Variants in SLC10A2 observed in about 807,000 individuals in gnomAD.
SLC10A2 encodes the protein solute carrier family 10 member 2.
Under a neutral mutation model 27.1 loss-of-function variants are expected in SLC10A2, and 34 were observed. The observed-to-expected ratio is 1.26, with a 90% confidence interval of 0.96 to 1.67. SLC10A2 has a LOEUF of 1.67. Ranked by LOEUF, SLC10A2 falls within the 40% of genes most tolerant of loss-of-function variation. The pLI is 0.00. For synonymous variants in SLC10A2, 205 were observed against 174.0 expected, an observed-to-expected ratio of 1.18 and a Z score of -1.40; for missense variants, 530 against 444.4, an observed-to-expected ratio of 1.19 and a Z score of -1.73.
At chr13:103,052,386 A>C (rs1595439010) in intron 3 of SLC10A2, among the ~76,000 whole-genome samples, 2 of 152,108 alleles carry the variant, frequency 1.3e-5, no homozygotes, top group East Asian at 3.9e-4. Flanking sequence ...CTTTGGAAGG[A>C]TCACTTGAGC....
chr13:103,054,262 A>G (rs552338983), intron 2 of SLC10A2, among the ~76,000 whole-genome samples: 70 of 152,230 alleles, frequency 4.6e-4, no homozygotes, highest in African/African-American at 1.6e-3. Flanking sequence ...CCCTTCTGCC[A>G]TGATTGTACG....
chr13:103,052,218 G>T (rs560574356), intron 3 of SLC10A2, among the ~76,000 whole-genome samples: 2 of 152,292 alleles, frequency 1.3e-5, no homozygotes, highest in East Asian at 3.9e-4. Flanking sequence ...TCACATAACA[G>T]AGATAACAGT....
In SLC10A2 at chr13:103,051,275, G is replaced by C. The variant is rs199533876; in HGVS notation, c.743C>G (p.Ala248Gly). 2 of 1,613,968 alleles carry C rather than the reference G, an allele frequency of 1.2e-6. No homozygotes were observed. Among genetic ancestry groups the C allele is most frequent in the Non-Finnish European group, 1.7e-6 (2 of 1,179,962 alleles). Reference sequence around the variant, plus strand: ...GCCATACCTGTACCAGGGTAGACCAGCAATTCTAGCCAGAAGAAACCCCAG... The same window carrying C: ...GCCATACCTGTACCAGGGTAGACCACCAATTCTAGCCAGAAGAAACCCCAG... ...YSLGFLLARI[A>G]GLPWYRCRTV... Residue 248 changes from alanine to glycine, a missense_variant, in exon 4 of 6, where the codon GCT (alanine) becomes GGT (glycine). Ala to Gly is a moderately conservative substitution (Grantham distance 60). Coordinates refer to ENST00000245312, the MANE Select transcript of SLC10A2 (RefSeq NM_000452.3).
At position 103,052,626 on chromosome 13, in the gene SLC10A2, T is replaced by C. The variant is rs780784030; in HGVS notation, c.579A>G (p.Ile193Met). 2.6e-5 allele frequency: 42 copies of C among 1,602,970 alleles called. No individual in the cohort carries two copies. Among genetic ancestry groups the C allele is most frequent in the Non-Finnish European group, 3.5e-5 (41 of 1,169,948 alleles). Residue 193 changes from isoleucine to methionine, a missense_variant, in exon 3 of 6, where the codon ATA becomes ATG. Transcript: ENST00000245312. ...NHKWPQKAKI[I>M]LKIGSIAGAI... ...TGTGAACTGGGATACTTACTTTAAG[T>C]ATGATCTTTGCTTTTTGGGGCCATT...
rs1420529463 is a variant in SLC10A2 at position 103,061,533 on chromosome 13, T to C, written c.378-3151A>G. 2.0e-5 allele frequency among the ~76,000 whole-genome samples: 3 copies of C among 152,110 alleles called. No homozygotes were observed. The South Asian group carries it at 6.2e-4, about 32-fold the overall frequency. On this transcript the variant is annotated intron_variant, in intron 1 of 5. Coordinates refer to ENST00000245312, the MANE Select transcript of SLC10A2 (RefSeq NM_000452.3). ...TTTTGTTTTAAAATGTGAGAAAATG[T>C]TTAAGAAGGAAGTCTTTTTCTGTCT...
At chr13:103,054,098 G>A (rs763487944) in intron 2 of SLC10A2, among the ~76,000 whole-genome samples, 6 of 132,504 alleles carry the variant, frequency 4.5e-5, no homozygotes, top group Admixed American at 7.3e-5. Context: ...GAGGGGCCTG[G>A]TGGGAGGTGA....
At chr13:103,050,647 A>T (rs1013201484) in intron 4 of SLC10A2, among the ~76,000 whole-genome samples, 9 of 152,200 alleles carry the variant, frequency 5.9e-5, no homozygotes, top group African/African-American at 2.2e-4. Flanking sequence ...ATGGTCCAGA[A>T]GACTTTGAGC....
chr13:103,051,727 G>A (rs279937), intron 3 of SLC10A2, among the ~76,000 whole-genome samples: 134,222 of 152,270 alleles, frequency 0.88, 59,329 homozygotes, highest in African/African-American at 0.93. Context: ...AACCCATTTC[G>A]ATGACAGCCT....
intron 1 of SLC10A2, among the ~76,000 whole-genome samples, chr13:103,063,538 AT>A (rs1876189696): frequency 6.6e-6 from 1 of 152,254 alleles, no homozygotes; most frequent in Non-Finnish European, 1.5e-5. Flanking sequence ...GACTTTAGTT[AT>A]CCAGTTCTTA....
intron 1 of SLC10A2, among the ~76,000 whole-genome samples, chr13:103,060,153 G>T (rs9586054): frequency 0.017 from 2,573 of 152,154 alleles, 74 homozygotes; most frequent in African/African-American, 0.059. Context: ...CTCTTCAAAG[G>T]GATCTGTACA....
chr13:103,049,602 A>G (rs1875714987), intron 4 of SLC10A2, among the ~76,000 whole-genome samples, 156 bp from the exon 5 acceptor site: 1 of 152,176 alleles, frequency 6.6e-6, no homozygotes, highest in Non-Finnish European at 1.5e-5. Context: ...TTTCTATGGA[A>G]TAAGTGTAAT....
chr13:103,049,224 G>A (rs1875696822), intron 5 of SLC10A2, 65 bp downstream of exon 5: 1 of 1,563,590 alleles, frequency 6.4e-7, no homozygotes, highest in African/African-American at 1.4e-5. Context: ...TTAAAAAAAT[G>A]TTGTTTTAGC....
rs187767625 is a variant in SLC10A2, at chr13:103,044,460, C to A, written c.*1673G>T. ...ACACTCTCTAAGAAGGAAGTCTGTA[C>A]CCCCTCTCCTCCACTATCTCTTAAA... On this transcript the variant is annotated 3_prime_UTR_variant, in exon 6 of 6. Transcript: ENST00000245312. 1 of 152,270 alleles carries A rather than the reference C, an allele frequency of 6.6e-6. No homozygotes were observed. The highest frequency in any genetic ancestry group is 3.4e-3 in the Middle Eastern group (1 of 294). 9.4% of individuals were successfully genotyped at this position (152,270 alleles called of 1,614,324 possible).
At chr13:103,049,911 T>A (rs1875724648) in intron 4 of SLC10A2, among the ~76,000 whole-genome samples, 1 of 152,130 alleles carries the variant, frequency 6.6e-6, no homozygotes, top group Non-Finnish European at 1.5e-5. Flanking sequence ...GAGGCTGAAG[T>A]GGGAGGATTT....
intron 2 of SLC10A2, 43 bp downstream of exon 2, chr13:103,058,221 G>T: frequency 1.7e-6 from 2 of 1,145,190 alleles, no homozygotes; most frequent in Non-Finnish European, 2.7e-6. Context: ...TAAGCAGAGA[G>T]TTTGAGGGTA....
chr13:103,065,522 CT>C (rs3216821), intron 1 of SLC10A2, among the ~76,000 whole-genome samples: 1 of 151,662 alleles, frequency 6.6e-6, no homozygotes, highest in African/African-American at 2.4e-5. Context: ...GTGTATTTTG[CT>C]TTTTTTTTCC....
chr13:103,064,482 T>A (rs9557998), intron 1 of SLC10A2, among the ~76,000 whole-genome samples: 1 of 151,768 alleles, frequency 6.6e-6, no homozygotes, highest in Admixed American at 6.6e-5. Flanking sequence ...TATGTGGTAT[T>A]ACATTGAGGT....
chr13:103,055,134 A>G (rs1345231647), intron 2 of SLC10A2, among the ~76,000 whole-genome samples: 1 of 152,204 alleles, frequency 6.6e-6, no homozygotes, highest in Non-Finnish European at 1.5e-5. Context: ...TGTGCAAATC[A>G]TTGAACCCCT....
chr13:103,058,317 T>G lies in SLC10A2; in HGVS notation c.443A>C (p.Tyr148Ser). 6.2e-7 allele frequency: 1 copy of G among 1,613,806 alleles called. No individual in the cohort carries two copies. The highest frequency in any genetic ancestry group is 1.3e-5 in the African/African-American group (1 of 74,992). ...CCCAGAGTCGACCCACATTTTGGTA[T>G]AGATAAGGAGGCACAGCGGCATCAT... ...LGMMPLCLLI[Y>S]TKMWVDSGSI... is the part of the protein sequence containing the mutation. Residue 148 changes from tyrosine (Y) to serine (S), a missense_variant, in exon 2 of 6, where the codon TAT becomes TCT. Physicochemically the swap from Tyr to Ser is moderately radical, Grantham distance 144. Transcript: ENST00000245312.
Sources: gnomAD v4.1 joint callset for allele counts (sites outside exome capture counted in the v4.1 genomes callset) on GRCh38, gnomAD v4.1.1 for gene constraint, MANE v1.5 for transcripts, NCBI Gene and HGNC (gene_info 2026-07-23, HGNC 2026-07-21) for gene names.